Variants in LAPTM4B observed in about 807,000 individuals in gnomAD.
LAPTM4B encodes lysosomal-associated transmembrane protein 4B.
LAPTM4B carries 26 observed loss-of-function variants against 28.5 expected under a neutral mutation model. The ratio of observed to expected loss-of-function variants is 0.91; its 90% confidence interval spans 0.67 to 1.27. The LOEUF is 1.27. Ranked by LOEUF, LAPTM4B falls within the 50% of genes most tolerant of loss-of-function variation. The pLI is 0.00. For missense variants in LAPTM4B, 288 were observed against 285.8 expected (o/e 1.01, Z -0.06); for synonymous variants, 109 against 106.4 (o/e 1.02, Z -0.15).
rs777711809 is a variant in LAPTM4B, at chr8:97,776,122, G to A, written c.99+14G>A. 5 of 1,490,368 alleles carry A rather than the reference G, an allele frequency of 3.4e-6. No homozygotes were observed. The highest frequency in any genetic ancestry group is 4.5e-6 in the Non-Finnish European group (5 of 1,100,982). 92.3% of individuals were successfully genotyped at this position (1,490,368 alleles called of 1,614,324 possible). On this transcript the variant is annotated intron_variant, in intron 1 of 6. Transcript: ENST00000521545. ...GTCTGGTATCTGGTGAGCGCGGCGC[G>A]CCCGGCCCGGGACCCTGCGTTGCTT...
chr8:97,830,879 A>G (rs1255567492), intron 6 of LAPTM4B, among the ~76,000 whole-genome samples: 3 of 152,114 alleles, frequency 2.0e-5, no homozygotes, highest in Non-Finnish European at 4.4e-5. Flanking sequence ...TTTCATGTCT[A>G]GCTTGTTGAA....
At chr8:97,846,049 C>T (rs1817429188) in intron 6 of LAPTM4B, among the ~76,000 whole-genome samples, 1 of 150,944 alleles carries the variant, frequency 6.6e-6, no homozygotes, top group African/African-American at 2.4e-5. Context: ...GAGACAGGGT[C>T]TTGCTATGTT....
At chr8:97,783,404 A>G (rs1370316981) in intron 1 of LAPTM4B, among the ~76,000 whole-genome samples, 1 of 152,144 alleles carries the variant, frequency 6.6e-6, no homozygotes, top group Non-Finnish European at 1.5e-5. Flanking sequence ...AAACCAGAAT[A>G]TCTCACCCAA....
intron 2 of LAPTM4B, among the ~76,000 whole-genome samples, chr8:97,812,281 G>C (rs114439073): frequency 0.018 from 2,341 of 133,654 alleles, 52 homozygotes; most frequent in African/African-American, 0.058. Flanking sequence ...GTACAGTGCT[G>C]CTATCTTGGC....
chr8:97,786,580 T>A lies in LAPTM4B; in HGVS notation c.99+10472T>A, dbSNP rs969703462. Reference sequence around the variant, plus strand: ...TAGGCATGGTGGCACGTGCCTGTAGTCCCAGCTACTCCAGAGGCTGAGCCC... The same window carrying A: ...TAGGCATGGTGGCACGTGCCTGTAGACCCAGCTACTCCAGAGGCTGAGCCC... On this transcript the variant is annotated intron_variant, in intron 1 of 6. Transcript: ENST00000521545. Among the ~76,000 whole-genome samples the A allele has an allele frequency of 7.3e-5, 11 of 151,548 alleles. No homozygotes were observed. The East Asian group carries it at 1.9e-3, about 27-fold the overall frequency.
chr8:97,844,128 G>A (rs910117502), intron 6 of LAPTM4B, among the ~76,000 whole-genome samples: 1 of 152,020 alleles, frequency 6.6e-6, no homozygotes, highest in African/African-American at 2.4e-5. Context: ...GGGGGTCTCT[G>A]TCATACTGGC....
At chr8:97,814,014 CA>C (rs1220950938) in intron 2 of LAPTM4B, among the ~76,000 whole-genome samples, 1 of 152,000 alleles carries the variant, frequency 6.6e-6, no homozygotes, top group East Asian at 1.9e-4. Context: ...TTACCCGTAG[CA>C]AATAATGGTG....
chr8:97,805,398 G>C lies in LAPTM4B; in HGVS notation c.145G>C (p.Asp49His). The change falls in exon 2 of 7, where the codon GAT becomes CAT. Residue 49 changes from aspartate to histidine, a missense_variant. Asp to His is a moderately conservative substitution (Grantham distance 81, BLOSUM62 -1). Coordinates refer to ENST00000521545, the MANE Select transcript of LAPTM4B (RefSeq NM_018407.6). The part of the protein sequence containing the change: ...VLLILLSALA[D>H]PDQYNFSSSE... ...GTTGATTTTATTGAGTGCCCTGGCT[G>C]ATCCGGATCAGTATAACTTTTCAAG... 6.2e-7 allele frequency: 1 copy of C among 1,608,878 alleles called. No homozygotes were observed. The highest frequency in any genetic ancestry group is 2.2e-5 in the East Asian group (1 of 44,738).
intron 1 of LAPTM4B, among the ~76,000 whole-genome samples, chr8:97,801,956 C>T (rs1816690463): frequency 6.6e-6 from 1 of 151,920 alleles, no homozygotes; most frequent in Non-Finnish European, 1.5e-5. Context: ...TGGCCTGTGG[C>T]TCCTTTAAGC....
At chr8:97,807,205 A>G (rs79787958) in intron 2 of LAPTM4B, among the ~76,000 whole-genome samples, 3 of 152,144 alleles carry the variant, frequency 2.0e-5, no homozygotes, top group Non-Finnish European at 4.4e-5. Flanking sequence ...GTGACTTATC[A>G]TTGTGTGCCT....
chr8:97,805,299 A>C lies in LAPTM4B; in HGVS notation c.100-54A>C, dbSNP rs559317526. On this transcript the variant is annotated intron_variant, in intron 1 of 6. Transcript: ENST00000521545. ...GTCAGTGTAATTTTCTATTATAAGG[A>C]TTGCATCCTGGGGTTACTTAAATTC... 2.8e-4 allele frequency: 282 copies of C among 997,290 alleles called. 1 individual carries two copies. The highest frequency in any genetic ancestry group is 1.3e-3 in the Middle Eastern group (6 of 4,484). The allele number at this position is 997,290 out of a possible 1,614,324, so 61.8% of individuals were successfully genotyped here. A position where few individuals can be genotyped will look rare whatever the true frequency, so the allele number is the denominator to read the frequency against.
rs185143648 is a variant in LAPTM4B at position 97,842,954 on chromosome 8, C to T, written c.604-8443C>T. 9.2e-5 allele frequency among the ~76,000 whole-genome samples: 14 copies of T among 152,076 alleles called. No homozygotes were observed. In the East Asian group the frequency reaches 2.3e-3, roughly 25 times the overall value. On this transcript the variant is annotated intron_variant, in intron 6 of 6. Coordinates refer to ENST00000521545, the MANE Select transcript of LAPTM4B (RefSeq NM_018407.6). ...AGTGTGGTGGTGCAAACTTGGCTTA[C>T]TGCAACCTCCACCTCCTGGGTTCAA...
rs777711809 is a variant in LAPTM4B at position 97,776,122 on chromosome 8, G to C, written c.99+14G>C. 3 of 1,490,488 alleles carry C rather than the reference G, an allele frequency of 2.0e-6. No homozygotes were observed. Among genetic ancestry groups the C allele is most frequent in the Non-Finnish European group, 9.1e-7 (1 of 1,100,978 alleles). 92.3% of individuals were successfully genotyped at this position (1,490,488 alleles called of 1,614,324 possible). ...GTCTGGTATCTGGTGAGCGCGGCGC[G>C]CCCGGCCCGGGACCCTGCGTTGCTT... On this transcript the variant is annotated intron_variant, in intron 1 of 6. Transcript: ENST00000521545.
chr8:97,808,641 C>T (rs1049089628), intron 2 of LAPTM4B, among the ~76,000 whole-genome samples: 1 of 151,978 alleles, frequency 6.6e-6, no homozygotes, highest in Non-Finnish European at 1.5e-5. Context: ...TTTATAACCA[C>T]GTGATTTAAA....
At chr8:97,790,151 G>C (rs2129738848) in intron 1 of LAPTM4B, among the ~76,000 whole-genome samples, 1 of 151,244 alleles carries the variant, frequency 6.6e-6, no homozygotes, top group Non-Finnish European at 1.5e-5. Flanking sequence ...CTTGGCTATT[G>C]TGAATAGTGC....
At chr8:97,813,637 A>T (rs530018725) in intron 2 of LAPTM4B, among the ~76,000 whole-genome samples, 12 of 152,364 alleles carry the variant, frequency 7.9e-5, no homozygotes, top group Admixed American at 3.3e-4. Flanking sequence ...AAGGAGTTAG[A>T]TCAGCTCTGG....
intron 1 of LAPTM4B, among the ~76,000 whole-genome samples, chr8:97,776,695 C>T (rs553008811): frequency 6.5e-4 from 99 of 151,944 alleles, no homozygotes; most frequent in Admixed American, 5.4e-3. Context: ...ATGGGTCCCC[C>T]CCCCGATGTT....
intron 6 of LAPTM4B, among the ~76,000 whole-genome samples, chr8:97,844,183 C>A (rs1817395391): frequency 6.6e-6 from 1 of 152,088 alleles, no homozygotes; most frequent in Admixed American, 6.6e-5. Context: ...CCTCAACCCT[C>A]CAGGGCTCAA....
chr8:97,784,638 A>G (rs549163566), intron 1 of LAPTM4B, among the ~76,000 whole-genome samples: 6 of 152,094 alleles, frequency 3.9e-5, no homozygotes, highest in Non-Finnish European at 5.9e-5. Flanking sequence ...TGAGGTTTCA[A>G]CGTGGTAGCC....
Sources: allele counts gnomAD v4.1 joint callset (sites outside exome capture counted in the v4.1 genomes callset), GRCh38; gene constraint gnomAD v4.1.1; transcripts MANE v1.5; gene names NCBI Gene and HGNC (gene_info 2026-07-23, HGNC 2026-07-21).